Variants in MBD5 observed in about 807,000 individuals in gnomAD.
MBD5 encodes methyl-CpG binding domain protein 5.
In MBD5, 13 loss-of-function variants were observed where a neutral mutation model predicts 117.3. That is an observed-to-expected ratio of 0.11 (90% CI 0.07 to 0.18). The LOEUF is 0.18. Ranked by LOEUF, MBD5 falls within the 10% of genes least tolerant of loss-of-function variation. MBD5 has a pLI of 1.00. For missense variants in MBD5, 1,879 were observed against 2,093.8 expected (o/e 0.90, Z 2.00); for synonymous variants, 727 against 766.4 (o/e 0.95, Z 0.85).
At chr2:148,488,650 CGGGGGTG>C (rs1395289382) in intron 10 of MBD5, among the ~76,000 whole-genome samples, 1 of 117,266 alleles carries the variant, frequency 8.5e-6, no homozygotes, top group African/African-American at 3.4e-5. Flanking sequence ...TTAGATGGTG[CGGGGGTG>C]GGGGGTGGGG....
At chr2:148,509,066 C>T (rs1172198715) in intron 12 of MBD5, among the ~76,000 whole-genome samples, 1 of 152,208 alleles carries the variant, frequency 6.6e-6, no homozygotes, top group East Asian at 1.9e-4. Flanking sequence ...TGCAAATTTC[C>T]AGTCTCCATG....
intron 3 of MBD5, among the ~76,000 whole-genome samples, chr2:148,298,963 G>T (rs1701719035): frequency 6.6e-6 from 1 of 151,988 alleles, no homozygotes; most frequent in Non-Finnish European, 1.5e-5. Context: ...TCCAAATCCA[G>T]TGTGACAAAG....
chr2:148,428,980 C>T (rs1430639341), intron 4 of MBD5, among the ~76,000 whole-genome samples: 3 of 152,020 alleles, frequency 2.0e-5, no homozygotes, highest in Non-Finnish European at 4.4e-5. Flanking sequence ...GCAACAAAAG[C>T]AAAAATTGAC....
chr2:148,510,078 C>A lies in MBD5; in HGVS notation c.5055C>A (p.Asn1685Lys). 1 of 1,610,544 alleles carries A rather than the reference C, an allele frequency of 6.2e-7. No individual in the cohort carries two copies. Among genetic ancestry groups the A allele is most frequent in the Non-Finnish European group, 8.5e-7 (1 of 1,177,016 alleles). ...KRNRKSGKLN[N>K]HLEAAIHEAM... Reference sequence around the variant, plus strand: ...ATTCCAGAAGTGGAAAGCTAAATAACCATTTAGAAGCTGCTATTCATGAGG... The same window carrying A: ...ATTCCAGAAGTGGAAAGCTAAATAAACATTTAGAAGCTGCTATTCATGAGG... The change falls in exon 13 of 14, where the codon AAC becomes AAA. Residue 1685 changes from asparagine (N) to lysine (K), a missense_variant. This residue lies in a region of MBD5 where 135 missense variants were observed against 148.0 expected (regional missense o/e 0.91). Coordinates refer to ENST00000642680, the MANE Select transcript of MBD5 (RefSeq NM_001378120.1).
chr2:148,123,786 C>G (rs1447834069), intron 1 of MBD5, among the ~76,000 whole-genome samples: 1 of 152,090 alleles, frequency 6.6e-6, no homozygotes, highest in African/African-American at 2.4e-5. Flanking sequence ...CTAACACTTG[C>G]AGCAACATAT....
intron 4 of MBD5, among the ~76,000 whole-genome samples, chr2:148,397,037 C>A (rs1187368257): frequency 6.6e-6 from 1 of 152,164 alleles, no homozygotes; most frequent in Non-Finnish European, 1.5e-5. Context: ...TGAGGCCCCA[C>A]ACAGCCATAT....
At chr2:148,166,582 A>AC (rs1318804905) in intron 1 of MBD5, among the ~76,000 whole-genome samples, 1 of 151,976 alleles carries the variant, frequency 6.6e-6, no homozygotes, top group African/African-American at 2.4e-5. Flanking sequence ...TTCCTACATC[A>AC]CTGAGGATGA....
rs182553844 is a variant in MBD5 at position 148,200,862 on chromosome 2, T to C, written c.-831+22069T>C. Among the ~76,000 whole-genome samples the C allele has an allele frequency of 1.1e-3, 160 of 152,342 alleles. 1 individual carries two copies. Among genetic ancestry groups the C allele is most frequent in the Middle Eastern group, 0.01 (3 of 294 alleles). Reference sequence around the variant, plus strand: ...CTAAATAGTTGGCCTTTGTATACTTTATTTTAACCTATTAAGGCACTTTTT... The same window carrying C: ...CTAAATAGTTGGCCTTTGTATACTTCATTTTAACCTATTAAGGCACTTTTT... On this transcript the variant is annotated intron_variant, in intron 2 of 13. Coordinates refer to ENST00000642680, the MANE Select transcript of MBD5 (RefSeq NM_001378120.1).
intron 1 of MBD5, chr2:148,054,749 A>C (rs910840568): frequency 6.6e-6 from 1 of 152,260 alleles, no homozygotes; most frequent in African/African-American, 2.4e-5. Context: ...CTCACAGTGA[A>C]TACTTTGAGA....
At chr2:148,394,975 A>G (rs753271253) in intron 4 of MBD5, among the ~76,000 whole-genome samples, 21 of 151,708 alleles carry the variant, frequency 1.4e-4, no homozygotes, top group Non-Finnish European at 2.1e-4. Context: ...TTCCTTTCCT[A>G]TCTCCTCCAT....
intron 4 of MBD5, among the ~76,000 whole-genome samples, chr2:148,432,123 A>G (rs1435441218): frequency 6.6e-6 from 1 of 152,110 alleles, no homozygotes; most frequent in Non-Finnish European, 1.5e-5. Context: ...TCTGATGATT[A>G]GTGATGTTAA....
At chr2:148,122,976 G>A (rs561781609) in intron 1 of MBD5, among the ~76,000 whole-genome samples, 2 of 152,184 alleles carry the variant, frequency 1.3e-5, no homozygotes, top group African/African-American at 4.8e-5. Flanking sequence ...AGGCAGAGAT[G>A]ACTAAGGATA....
intron 4 of MBD5, among the ~76,000 whole-genome samples, chr2:148,406,337 T>C (rs112022996): frequency 7.9e-5 from 12 of 152,356 alleles, no homozygotes; most frequent in African/African-American, 2.9e-4. Context: ...CAAGAAAACA[T>C]GACCCATTAT....
Position 148,463,858 on chromosome 2 carries a change from T to A in MBD5, c.336T>A (p.Leu112=). 1 of 1,613,706 alleles carries A rather than the reference T, an allele frequency of 6.2e-7. No homozygotes were observed. Among genetic ancestry groups the A allele is most frequent in the South Asian group, 1.1e-5 (1 of 91,040 alleles). Reference sequence around the variant, plus strand: ...GAAAAATTATTGCAGTGGCCACACTTCATAAAAGCATGGAAGCCCCACATC... The same window carrying A: ...GAAAAATTATTGCAGTGGCCACACTACATAAAAGCATGGAAGCCCCACATC... ...HKRKIIAVAT[L]HKSMEAPHPS... The change falls in exon 7 of 14, where the codon CTT becomes CTA. Residue 112 remains leucine (L), a synonymous_variant. Transcript: ENST00000642680.
intron 3 of MBD5, among the ~76,000 whole-genome samples, chr2:148,325,561 T>C (rs1702423173): frequency 6.6e-6 from 1 of 152,198 alleles, no homozygotes; most frequent in African/African-American, 2.4e-5. Flanking sequence ...GGTTTAGTCT[T>C]GGGAGAGTGT....
chr2:148,038,768 C>G (rs957202875), intron 1 of MBD5, among the ~76,000 whole-genome samples: 1 of 151,890 alleles, frequency 6.6e-6, no homozygotes. Flanking sequence ...TTTTATCTTA[C>G]TGTCCATTGT....
chr2:148,264,483 T>C (rs924204385), intron 3 of MBD5: 1 of 152,212 alleles, frequency 6.6e-6, no homozygotes, highest in African/African-American at 2.4e-5. Context: ...AGTATGCTTT[T>C]GAACTGCCTA....
intron 3 of MBD5, among the ~76,000 whole-genome samples, chr2:148,337,307 A>G (rs1470665160): frequency 6.6e-6 from 1 of 152,164 alleles, no homozygotes; most frequent in African/African-American, 2.4e-5. Context: ...GAATATGGCC[A>G]TATTCTTTAT....
intron 1 of MBD5, among the ~76,000 whole-genome samples, chr2:148,178,221 A>C (rs1698434957): frequency 6.6e-6 from 1 of 152,114 alleles, no homozygotes; most frequent in South Asian, 2.1e-4. Context: ...AAGTAATAAG[A>C]GGAATAGAAT....
Sources: gnomAD v4.1 joint callset for allele counts (sites outside exome capture counted in the v4.1 genomes callset) on GRCh38, gnomAD v4.1.1 for gene constraint, gnomAD v4.1.1 regional missense constraint, MANE v1.5 for transcripts, NCBI Gene and HGNC (gene_info 2026-07-23, HGNC 2026-07-21) for gene names.